The following NKAIN2 variants were observed in gnomAD, a reference collection of about 807,000 sequenced individuals.
The protein encoded by NKAIN2 is sodium/potassium-transporting ATPase subunit beta-1-interacting protein 2.
Under a neutral mutation model 32.6 loss-of-function variants are expected in NKAIN2, and 14 were observed. The observed-to-expected ratio is 0.43, with a 90% CI of 0.28 to 0.67. The LOEUF is 0.67. NKAIN2 is among the 30% of genes least tolerant of loss of function. The pLI, the probability that NKAIN2 is intolerant of heterozygous loss-of-function variation, is 0.17. For missense variants in NKAIN2, 198 were observed against 258.3 expected, an observed-to-expected ratio of 0.77 and a Z score of 1.60; for synonymous variants, 80 against 87.2, an observed-to-expected ratio of 0.92 and a Z score of 0.46.
chr6:124,398,342 C>G (rs1040747364), intron 3 of NKAIN2, among the ~76,000 whole-genome samples: 1 of 147,152 alleles, frequency 6.8e-6, no homozygotes, highest in African/African-American at 2.5e-5. Flanking sequence ...TACCACTTCA[C>G]AGGTAGAATT....
chr6:124,657,816 T>G (rs566315617), intron 3 of NKAIN2, among the ~76,000 whole-genome samples: 1 of 152,026 alleles, frequency 6.6e-6, no homozygotes, highest in African/African-American at 2.4e-5. Flanking sequence ...AGATTTAGAA[T>G]AGCATGAACT....
intron 1 of NKAIN2, among the ~76,000 whole-genome samples, chr6:123,865,830 G>A (rs1216882580): frequency 6.6e-6 from 1 of 152,100 alleles, no homozygotes; most frequent in Admixed American, 6.6e-5. Context: ...AAAAATGCAT[G>A]AATAATTTGT....
At chr6:124,540,607 A>G (rs1562246112) in intron 3 of NKAIN2, among the ~76,000 whole-genome samples, 1 of 152,154 alleles carries the variant, frequency 6.6e-6, no homozygotes, top group African/African-American at 2.4e-5. Flanking sequence ...CCTCTGTAAG[A>G]CTCAGTTAAC....
chr6:123,987,696 C>G (rs185742034), intron 1 of NKAIN2, among the ~76,000 whole-genome samples: 208 of 152,232 alleles, frequency 1.4e-3, no homozygotes, highest in Non-Finnish European at 2.1e-3. Flanking sequence ...TAGAAACAAC[C>G]TGAATTCCTT....
intron 1 of NKAIN2, among the ~76,000 whole-genome samples, chr6:123,889,745 G>A (rs1773907614): frequency 6.6e-6 from 1 of 152,162 alleles, no homozygotes; most frequent in Non-Finnish European, 1.5e-5. Context: ...AGCTACTCAT[G>A]AAATTCAGGA....
intron 1 of NKAIN2, among the ~76,000 whole-genome samples, chr6:123,817,775 C>G (rs1773754745): frequency 6.6e-6 from 1 of 151,880 alleles, no homozygotes; most frequent in Non-Finnish European, 1.5e-5. Context: ...GGTATGAAGG[C>G]ATGGGGAAAA....
At chr6:124,217,649 T>A (rs1215148380) in intron 1 of NKAIN2, among the ~76,000 whole-genome samples, 1 of 152,180 alleles carries the variant, frequency 6.6e-6, no homozygotes, top group Non-Finnish European at 1.5e-5. Context: ...TTTCTCATCC[T>A]GGAATTCCAA....
chr6:124,421,616 G>C (rs1339722791), intron 3 of NKAIN2, among the ~76,000 whole-genome samples: 1 of 152,094 alleles, frequency 6.6e-6, no homozygotes, highest in Non-Finnish European at 1.5e-5. Context: ...ATAATCACTT[G>C]TGATTCCATG....
At chr6:124,563,335 T>C (rs1400328266) in intron 3 of NKAIN2, among the ~76,000 whole-genome samples, 1 of 152,256 alleles carries the variant, frequency 6.6e-6, no homozygotes, top group Non-Finnish European at 1.5e-5. Flanking sequence ...AGTTGTAAAC[T>C]GAGACCTAAA....
intron 4 of NKAIN2, among the ~76,000 whole-genome samples, chr6:124,733,774 T>C (rs959224470): frequency 6.6e-6 from 1 of 151,788 alleles, no homozygotes; most frequent in African/African-American, 2.4e-5. Context: ...TATATTTACA[T>C]AGAAATATAC....
intron 5 of NKAIN2, among the ~76,000 whole-genome samples, chr6:124,816,018 A>G (rs1194707358): frequency 3.9e-5 from 6 of 152,188 alleles, no homozygotes; most frequent in African/African-American, 1.2e-4. Context: ...GGTCCTTCTA[A>G]TATCAGGGTC....
At chr6:124,557,224 A>C (rs1408766002) in intron 3 of NKAIN2, among the ~76,000 whole-genome samples, 1 of 152,156 alleles carries the variant, frequency 6.6e-6, no homozygotes, top group Non-Finnish European at 1.5e-5. Flanking sequence ...TATTATGGAG[A>C]AATGCTTCTA....
intron 2 of NKAIN2, among the ~76,000 whole-genome samples, chr6:124,306,261 T>G (rs1208980748): frequency 6.6e-6 from 1 of 152,126 alleles, no homozygotes; most frequent in Non-Finnish European, 1.5e-5. Context: ...ATTTCCAAGT[T>G]TTAGTTTTCA....
intron 1 of NKAIN2, among the ~76,000 whole-genome samples, chr6:123,819,014 G>A (rs1773813867): frequency 6.6e-6 from 1 of 152,138 alleles, no homozygotes; most frequent in Non-Finnish European, 1.5e-5. Context: ...TGTAGGATGT[G>A]TAGGATGTGA....
chr6:124,044,079 C>T (rs1315563143), intron 1 of NKAIN2, among the ~76,000 whole-genome samples: 1 of 151,954 alleles, frequency 6.6e-6, no homozygotes, highest in Non-Finnish European at 1.5e-5. Flanking sequence ...TGCTTTAGAT[C>T]CTTTTTCAGC....
At chr6:124,676,313 A>G (rs1183292288) in intron 4 of NKAIN2, among the ~76,000 whole-genome samples, 1 of 152,088 alleles carries the variant, frequency 6.6e-6, no homozygotes, top group East Asian at 1.9e-4. Context: ...GTTGGACAGA[A>G]TGTTCTGTAT....
chr6:124,304,048 T>G lies in NKAIN2; in HGVS notation c.192+20906T>G, dbSNP rs185142323. On this transcript the variant is annotated intron_variant, in intron 2 of 6. Transcript: ENST00000368417. ...ATGATGGCTTTAGTTTAGAAATTGCTTAATTTAAGGTGCCTATTGATAACA... is the reference window on the plus strand; with the variant it reads ...ATGATGGCTTTAGTTTAGAAATTGCGTAATTTAAGGTGCCTATTGATAACA... 1.5e-3 allele frequency among the ~76,000 whole-genome samples: 228 copies of G among 152,312 alleles called. 1 individual carries two copies. Among genetic ancestry groups the G allele is most frequent in the African/African-American group, 5.1e-3 (211 of 41,578 alleles).
rs371111931 is a variant in NKAIN2, at chr6:123,899,576, C to T, written c.54+95322C>T. On this transcript the variant is annotated intron_variant, in intron 1 of 6. Transcript: ENST00000368417. ...TTATGTATAGCAGATGTAATCTTCA[C>T]GCACCTCATGCACTGGTAAATGGAA... Among the ~76,000 whole-genome samples the T allele has an allele frequency of 1.1e-3, 168 of 152,294 alleles. 1 individual carries two copies. In the South Asian group the frequency reaches 0.016, roughly 14 times the overall value.
chr6:124,449,545 C>T (rs1366960238), intron 3 of NKAIN2, among the ~76,000 whole-genome samples: 1 of 152,052 alleles, frequency 6.6e-6, no homozygotes, highest in African/African-American at 2.4e-5. Flanking sequence ...AGGATGCATA[C>T]AATTAGTGCT....
Sources: gnomAD v4.1 joint callset for allele counts (sites outside exome capture counted in the v4.1 genomes callset) on GRCh38, gnomAD v4.1.1 for gene constraint, MANE v1.5 for transcripts, NCBI Gene and HGNC (gene_info 2026-07-23, HGNC 2026-07-21) for gene names.